Variants in WDFY4 observed in about 807,000 individuals in gnomAD.
WDFY4 encodes WDFY family member 4, also known as WD repeat- and FYVE domain-containing protein 4.
A neutral mutation model predicts 351.9 loss-of-function variants in WDFY4; 169 were observed. The ratio of observed to expected loss-of-function variants is 0.48; its 90% CI spans 0.42 to 0.55. WDFY4 has a LOEUF of 0.55. Ranked by LOEUF, WDFY4 falls within the 20% of genes least tolerant of loss-of-function variation. The probability of loss-of-function intolerance (pLI) is 0.00; values close to 1 mark genes in which losing one functional copy is unlikely to be tolerated. For missense variants in WDFY4, 3,803 were observed against 3,935.6 expected, an observed-to-expected ratio of 0.97 and a Z score of 0.90; for synonymous variants, 1,622 against 1,574.6, an observed-to-expected ratio of 1.03 and a Z score of -0.71.
intron 31 of WDFY4, among the ~76,000 whole-genome samples, chr10:48,816,923 A>G (rs2067638292): frequency 1.3e-5 from 2 of 152,232 alleles, no homozygotes; most frequent in Non-Finnish European, 2.9e-5. Context: ...AGCATCATCT[A>G]CCCAATACAG....
chr10:48,770,972 C>A (rs2065845738), intron 13 of WDFY4, among the ~76,000 whole-genome samples: 1 of 152,156 alleles, frequency 6.6e-6, no homozygotes, highest in Non-Finnish European at 1.5e-5. Context: ...GAAAGTTAAT[C>A]TAATGTAGTT....
Position 48,976,904 on chromosome 10 carries a change from C to T in WDFY4, c.9216C>T (p.Cys3072=), listed in dbSNP as rs2271565. The part of the protein sequence containing the change: ...TAWGPEGAIT[C]CCLMEGPAWD... The stretch of plus-strand genomic sequence containing the variant: ...GGGGCCCAGAAGGAGCCATAACCTG[C>T]TGCTGCCTGATGGAGGGCCCAGCAT... The change falls in exon 59 of 62, where the codon TGC becomes TGT. Residue 3072 remains cysteine (C), a synonymous_variant. Coordinates refer to ENST00000325239, the MANE Select transcript of WDFY4 (RefSeq NM_001394531.1). The T allele has an allele frequency of 0.47, 728,115 of 1,537,308 alleles. 179,851 individuals are homozygous for T. The highest frequency in any genetic ancestry group is 0.51 in the Non-Finnish European group (584,376 of 1,139,058).
intron 41 of WDFY4, among the ~76,000 whole-genome samples, chr10:48,874,756 C>T (rs2069928323): frequency 6.6e-6 from 1 of 152,222 alleles, no homozygotes; most frequent in African/African-American, 2.4e-5. Flanking sequence ...CTGTCCAGCC[C>T]TGGAACCTCC....
intron 36 of WDFY4, among the ~76,000 whole-genome samples, chr10:48,828,149 T>C (rs1198624382): frequency 1.3e-5 from 2 of 152,236 alleles, no homozygotes. Flanking sequence ...TGTGTCATAA[T>C]GGCCACGTGG....
At chr10:48,943,536 CTAGGAGGT>C in intron 49 of WDFY4, 87 bp downstream of exon 49, 1 of 1,385,124 alleles carries the variant, frequency 7.2e-7, no homozygotes, top group Non-Finnish European at 9.6e-7. Flanking sequence ...AGAGCCTCTG[CTAGGAGGT>C]TCCGTCACAT....
intron 11 of WDFY4, among the ~76,000 whole-genome samples, chr10:48,739,475 C>T (rs1005344923): frequency 3.9e-5 from 6 of 152,212 alleles, no homozygotes; most frequent in African/African-American, 1.4e-4. Context: ...AGACCCTCCT[C>T]CTAGACTCCC....
chr10:48,761,377 A>G (rs1157729488), intron 13 of WDFY4, among the ~76,000 whole-genome samples: 2 of 152,184 alleles, frequency 1.3e-5, no homozygotes, highest in African/African-American at 4.8e-5. Context: ...GAGAATGGAC[A>G]GGGAATGAGG....
At chr10:48,946,991 T>TTC in intron 51 of WDFY4, 22 bp downstream of exon 51, 1 of 1,099,480 alleles carries the variant, frequency 9.1e-7, no homozygotes, top group Non-Finnish European at 1.3e-6. Flanking sequence ...CCACTCTCTG[T>TTC]ACACACACAC....
chr10:48,731,537 G>A lies in WDFY4; in HGVS notation c.1557G>A (p.Lys519=), dbSNP rs750234147. ...LLGLLLAQLR[K]QAKIMRKSGN... ...GCCTGCTACTGGCACAGCTTCGGAA[G>A]CAAGCCAAGATCATGAGGAAGTCAG... Residue 519 remains lysine (K), a synonymous_variant, in exon 9 of 62, where the codon AAG becomes AAA. Transcript: ENST00000325239. The A allele has an allele frequency of 1.3e-5, 20 of 1,551,128 alleles. No homozygotes were observed. In the South Asian group the frequency reaches 2.0e-4, roughly 16 times the overall value.
chr10:48,750,157 G>C (rs2065136235), intron 12 of WDFY4, among the ~76,000 whole-genome samples: 1 of 152,202 alleles, frequency 6.6e-6, no homozygotes, highest in African/African-American at 2.4e-5. Flanking sequence ...AGTTATATCT[G>C]TCACTTAAGT....
At position 48,779,999 on chromosome 10, in the gene WDFY4, G is replaced by A; in HGVS notation, c.3456G>A (p.Arg1152=). 1 of 1,551,870 alleles carries A rather than the reference G, an allele frequency of 6.4e-7. No individual in the cohort carries two copies. The highest frequency in any genetic ancestry group is 8.7e-7 in the Non-Finnish European group (1 of 1,147,038). Residue 1152 remains arginine (R), a synonymous_variant, in exon 19 of 62, where the codon AGG becomes AGA. Coordinates refer to ENST00000325239, the MANE Select transcript of WDFY4 (RefSeq NM_001394531.1). ...CTGCAGGATGCCAGCTTCAGGTCAG[G>A]TGTGGCCAGCTCCTGGCTTGTGGTC... ...EPSAGCQLQV[R]CGQLLACGQW...
At position 48,957,274 on chromosome 10, in the gene WDFY4, T is replaced by A; in HGVS notation, c.8123T>A (p.Val2708Glu). 1 of 1,550,814 alleles carries A rather than the reference T, an allele frequency of 6.4e-7. No individual in the cohort carries two copies. Among genetic ancestry groups the A allele is most frequent in the Non-Finnish European group, 8.7e-7 (1 of 1,146,466 alleles). ...GAGTTCTTAACCAACTGCAACGGGG[T>A]AGAGTTCGGTAAGTGGAGGCCTGGT... ...LPEFLTNCNG[V>E]EFGCMQDGTV... The change falls in exon 52 of 62, where the codon GTA becomes GAA. Residue 2708 changes from valine to glutamate, a missense_variant. Val to Glu is a moderately radical substitution (Grantham distance 121). Transcript: ENST00000325239.
intron 11 of WDFY4, among the ~76,000 whole-genome samples, chr10:48,741,452 CAAAAAAA>C (rs55984300): frequency 3.0e-5 from 2 of 66,306 alleles, no homozygotes; most frequent in African/African-American, 6.8e-5. Context: ...GACTCCGTCT[CAAAAAAA>C]AAAAAAAAAA....
intron 6 of WDFY4, among the ~76,000 whole-genome samples, chr10:48,727,242 G>A (rs1228424776): frequency 6.6e-6 from 1 of 152,166 alleles, no homozygotes; most frequent in African/African-American, 2.4e-5. Context: ...GAGGGCTGAG[G>A]GGCTGCCTTC....
chr10:48,940,180 A>C (rs1840679429), intron 47 of WDFY4, among the ~76,000 whole-genome samples: 1 of 152,224 alleles, frequency 6.6e-6, no homozygotes, highest in Non-Finnish European at 1.5e-5. Flanking sequence ...TATAGCCTTA[A>C]GAGCAGCCTA....
At chr10:48,690,365 T>C (rs969057621) in intron 1 of WDFY4, among the ~76,000 whole-genome samples, 3 of 152,170 alleles carry the variant, frequency 2.0e-5, no homozygotes, top group African/African-American at 7.2e-5. Flanking sequence ...ACAAGCAAAA[T>C]ATACTTGTGA....
At position 48,914,182 on chromosome 10, in the gene WDFY4, G is replaced by A. The variant is rs60495132; in HGVS notation, c.7586+12319G>A. ...TTCTTTTAGTAAGGGAGTGTTAGAA[G>A]TTTATTGTTCTGATTGGATAGTGAT... On this transcript the variant is annotated intron_variant, in intron 47 of 61. Transcript: ENST00000325239. 10,320 of 1,599,922 alleles carry A rather than the reference G, an allele frequency of 6.5e-3. 598 individuals carry two copies. In the African/African-American group the frequency reaches 0.12, roughly 19 times the overall value.
chr10:48,877,303 C>T, intron 43 of WDFY4, 104 bp downstream of exon 43: 1 of 1,048,266 alleles, frequency 9.5e-7, no homozygotes, highest in Non-Finnish European at 1.4e-6. Flanking sequence ...GGAATGAGAT[C>T]TCCATTTGCT....
At chr10:48,981,792 C>G (rs1308030186) in intron 61 of WDFY4, among the ~76,000 whole-genome samples, 2 of 152,218 alleles carry the variant, frequency 1.3e-5, no homozygotes, top group South Asian at 2.1e-4. Context: ...CTAAAGAGAG[C>G]CTTTTCCCCT....
Sources: gnomAD v4.1 joint callset for allele counts (sites outside exome capture counted in the v4.1 genomes callset) on GRCh38, gnomAD v4.1.1 for gene constraint, MANE v1.5 for transcripts, NCBI Gene and HGNC (gene_info 2026-07-23, HGNC 2026-07-21) for gene names.